SUSD6: variants seen among roughly 807,000 people sequenced by gnomAD.
The protein encoded by SUSD6 is sushi domain-containing protein 6.
Under a neutral mutation model 28.4 loss-of-function variants are expected in SUSD6, and 16 were observed. The ratio of observed to expected loss-of-function variants is 0.56; its 90% CI spans 0.38 to 0.86. SUSD6 has a LOEUF of 0.86. SUSD6 is among the 40% of genes least tolerant of loss of function. The pLI, the probability that SUSD6 is intolerant of heterozygous loss-of-function variation, is 0.00. For missense variants in SUSD6, 341 were observed against 384.2 expected, an observed-to-expected ratio of 0.89 and a Z score of 0.94; for synonymous variants, 147 against 159.6, an observed-to-expected ratio of 0.92 and a Z score of 0.59.
intron 4 of SUSD6, among the ~76,000 whole-genome samples, chr14:69,706,310 G>A (rs1023515864): frequency 3.3e-5 from 5 of 151,742 alleles, no homozygotes; most frequent in African/African-American, 1.2e-4. Context: ...AAAAGTAACT[G>A]GCTAGTTTTG....
intron 1 of SUSD6, among the ~76,000 whole-genome samples, chr14:69,640,296 G>C (rs565460436): frequency 4.0e-5 from 6 of 151,500 alleles, no homozygotes; most frequent in Non-Finnish European, 8.8e-5. Context: ...CTTCCATTCT[G>C]AAAAAAATTT....
chr14:69,709,348 A>G (rs1422196213), intron 5 of SUSD6, among the ~76,000 whole-genome samples: 1 of 152,130 alleles, frequency 6.6e-6, no homozygotes, highest in African/African-American at 2.4e-5. Flanking sequence ...GAGGCCATTC[A>G]TAGTCACAGA....
chr14:69,661,173 C>T (rs1338853904), intron 2 of SUSD6, among the ~76,000 whole-genome samples: 1 of 152,124 alleles, frequency 6.6e-6, no homozygotes, highest in Non-Finnish European at 1.5e-5. Flanking sequence ...AGGAAACTGC[C>T]CTGGCGTGTG....
chr14:69,622,873 C>T (rs974956364), intron 1 of SUSD6, among the ~76,000 whole-genome samples: 3 of 152,286 alleles, frequency 2.0e-5, no homozygotes, highest in Non-Finnish European at 4.4e-5. Context: ...GGATTGCAGG[C>T]GTGAGCCACA....
At chr14:69,639,155 C>T (rs564867619) in intron 1 of SUSD6, among the ~76,000 whole-genome samples, 13 of 151,746 alleles carry the variant, frequency 8.6e-5, no homozygotes, top group Non-Finnish European at 1.9e-4. Context: ...GGTGAAACCC[C>T]GTCTCTACTA....
chr14:69,661,977 A>T (rs187851791), intron 2 of SUSD6, among the ~76,000 whole-genome samples: 543 of 151,952 alleles, frequency 3.6e-3, no homozygotes, highest in South Asian at 0.013. Context: ...TTAAAAAAAA[A>T]TTTTTTATGT....
chr14:69,650,203 GCC>G (rs1339169939), intron 1 of SUSD6, among the ~76,000 whole-genome samples: 2 of 152,158 alleles, frequency 1.3e-5, no homozygotes, highest in Non-Finnish European at 2.9e-5. Context: ...CTGAAACAGT[GCC>G]CTTTGGGGAG....
At chr14:69,652,457 AAAATAAAT>A (rs954776531) in intron 1 of SUSD6, among the ~76,000 whole-genome samples, 7 of 152,138 alleles carry the variant, frequency 4.6e-5, no homozygotes, top group Admixed American at 3.3e-4. Context: ...TGTCTCGGAA[AAAATAAAT>A]AAATAAATAA....
intron 1 of SUSD6, among the ~76,000 whole-genome samples, chr14:69,620,886 A>G (rs939183111): frequency 2.0e-5 from 3 of 152,224 alleles, no homozygotes; most frequent in African/African-American, 7.2e-5. Context: ...AAGGGGAATA[A>G]GAGGATCAGT....
At chr14:69,640,898 T>G (rs1885342084) in intron 1 of SUSD6, among the ~76,000 whole-genome samples, 1 of 152,232 alleles carries the variant, frequency 6.6e-6, no homozygotes, top group African/African-American at 2.4e-5. Flanking sequence ...ATATAAAACA[T>G]GGGTAAATGC....
At chr14:69,650,512 T>C (rs556149810) in intron 1 of SUSD6, among the ~76,000 whole-genome samples, 1 of 152,334 alleles carries the variant, frequency 6.6e-6, no homozygotes, top group Non-Finnish European at 1.5e-5. Context: ...AAAACAGGCA[T>C]GGAAGCAAAG....
chr14:69,639,528 G>A (rs1018544824), intron 1 of SUSD6, among the ~76,000 whole-genome samples: 1 of 152,152 alleles, frequency 6.6e-6, no homozygotes, highest in Non-Finnish European at 1.5e-5. Context: ...CTCTGAGGGA[G>A]TGTAAACCTG....
intron 2 of SUSD6, among the ~76,000 whole-genome samples, chr14:69,677,672 CAG>C (rs1015321722): frequency 1.2e-4 from 19 of 152,078 alleles, no homozygotes; most frequent in East Asian, 3.9e-4. Context: ...CATGGTCAAT[CAG>C]GGGGTGAGTA....
intron 1 of SUSD6, among the ~76,000 whole-genome samples, chr14:69,644,043 A>G (rs1424964621): frequency 6.6e-6 from 1 of 152,094 alleles, no homozygotes; most frequent in Non-Finnish European, 1.5e-5. Flanking sequence ...ATCTCCCATG[A>G]CTTTTCACTT....
chr14:69,623,108 CTTGA>C (rs1885065548), intron 1 of SUSD6, among the ~76,000 whole-genome samples: 1 of 152,242 alleles, frequency 6.6e-6, no homozygotes, highest in Admixed American at 6.5e-5. Context: ...GGATTGCAGA[CTTGA>C]TTAACTTGCC....
intron 1 of SUSD6, among the ~76,000 whole-genome samples, chr14:69,628,419 G>A (rs537400263): frequency 2.0e-5 from 3 of 152,318 alleles, no homozygotes; most frequent in Non-Finnish European, 2.9e-5. Context: ...TGATGAAAGT[G>A]TATGACATTT....
chr14:69,639,286 C>T (rs976088411), intron 1 of SUSD6, among the ~76,000 whole-genome samples: 19 of 120,354 alleles, frequency 1.6e-4, no homozygotes, highest in African/African-American at 5.8e-4. Context: ...CGGGATCCAG[C>T]CTGGGCAACA....
chr14:69,644,331 C>G (rs1476415807), intron 1 of SUSD6, among the ~76,000 whole-genome samples: 1 of 152,150 alleles, frequency 6.6e-6, no homozygotes, highest in East Asian at 1.9e-4. Context: ...TCCCTTTTAA[C>G]ATATTCCAGA....
At chr14:69,618,094 A>G (rs1249100511) in intron 1 of SUSD6, among the ~76,000 whole-genome samples, 1 of 152,156 alleles carries the variant, frequency 6.6e-6, no homozygotes, top group Non-Finnish European at 1.5e-5. Context: ...ATGCAACAGA[A>G]TGTCTCCTTT....
Sources: gnomAD v4.1 joint callset for allele counts (sites outside exome capture counted in the v4.1 genomes callset) on GRCh38, gnomAD v4.1.1 for gene constraint, MANE v1.5 for transcripts, NCBI Gene and HGNC (gene_info 2026-07-23, HGNC 2026-07-21) for gene names.